The following KANK1 variants were observed in gnomAD, a reference collection of about 807,000 sequenced individuals.
KANK1 encodes KN motif and ankyrin repeat domain-containing protein 1.
A neutral mutation model predicts 106.2 loss-of-function variants in KANK1; 109 were observed. The ratio of observed to expected loss-of-function variants is 1.03; its 90% CI spans 0.88 to 1.20. KANK1 has a LOEUF of 1.20. Among genes scored for constraint, KANK1 ranks in the 50% most tolerant of loss-of-function variants. The pLI, the probability that KANK1 is intolerant of heterozygous loss-of-function variation, is 0.00. For missense variants in KANK1, 2,399 were observed against 1,710.7 expected, an observed-to-expected ratio of 1.40 and a Z score of -7.10; for synonymous variants, 873 against 652.2, an observed-to-expected ratio of 1.34 and a Z score of -5.16.
At position 593,790 on chromosome 9, in the gene KANK1, A is replaced by G. The variant is rs74996379; in HGVS notation, c.-83-83100A>G. Among the ~76,000 whole-genome samples, 19 of 152,014 alleles carry G rather than the reference A, an allele frequency of 1.2e-4. No individual in the cohort carries two copies. In the East Asian group the frequency reaches 2.9e-3, roughly 23 times the overall value. On this transcript the variant is annotated intron_variant, in intron 1 of 11. Coordinates refer to ENST00000382297, the MANE Select transcript of KANK1 (RefSeq NM_015158.5). ...AGTGAATTCTTCCAAATTTATGAAA[A>G]TGAACACTTAGCTAAAATGTGTTCA...
chr9:587,164 T>G (rs886814946), intron 1 of KANK1, among the ~76,000 whole-genome samples: 3 of 152,366 alleles, frequency 2.0e-5, no homozygotes, highest in South Asian at 4.1e-4. Flanking sequence ...TTTTTCTTTA[T>G]AACTATCATG....
chr9:521,670 G>A (rs531179702), intron 1 of KANK1, among the ~76,000 whole-genome samples: 7 of 149,786 alleles, frequency 4.7e-5, no homozygotes, highest in Admixed American at 2.0e-4. Context: ...GGGTTCAAGC[G>A]ATTCTCCTGC....
At chr9:583,574 A>G (rs763536474) in intron 1 of KANK1, among the ~76,000 whole-genome samples, 3 of 152,010 alleles carry the variant, frequency 2.0e-5, no homozygotes, top group South Asian at 2.1e-4. Context: ...TTATATAAAG[A>G]TCCTTTATGG....
upstream of KANK1, among the ~76,000 whole-genome samples, chr9:501,079 GA>G (rs61238885): frequency 9.0e-5 from 13 of 144,708 alleles, no homozygotes; most frequent in Admixed American, 2.8e-4. Context: ...TGAGAAAAAA[GA>G]AAAAAAAAAC....
upstream of KANK1, among the ~76,000 whole-genome samples, chr9:503,821 G>A (rs369335397): frequency 1.1e-4 from 16 of 152,166 alleles, no homozygotes; most frequent in African/African-American, 3.6e-4. Context: ...TGGACCTACT[G>A]GATTGCTCCA....
At chr9:657,599 A>G (rs1842432948) in intron 1 of KANK1, among the ~76,000 whole-genome samples, 1 of 151,846 alleles carries the variant, frequency 6.6e-6, no homozygotes, top group Non-Finnish European at 1.5e-5. Flanking sequence ...CCTAATGAGT[A>G]TGAGGTGATA....
intron 1 of KANK1, among the ~76,000 whole-genome samples, chr9:621,490 A>G (rs1833133649): frequency 6.6e-6 from 1 of 152,188 alleles, no homozygotes; most frequent in South Asian, 2.1e-4. Context: ...TTACTGCGGG[A>G]AAAAACCACA....
At chr9:619,818 T>C (rs922794063) in intron 1 of KANK1, among the ~76,000 whole-genome samples, 16 of 152,272 alleles carry the variant, frequency 1.1e-4, no homozygotes, top group Middle Eastern at 3.4e-3. Context: ...AGATTGTTTT[T>C]CCAAGCAGAG....
intron 1 of KANK1, among the ~76,000 whole-genome samples, chr9:663,527 G>C (rs1348320881): frequency 6.6e-6 from 1 of 152,184 alleles, no homozygotes; most frequent in Non-Finnish European, 1.5e-5. Context: ...AACTGAAAAA[G>C]AGAAAGTTTA....
At chr9:523,585 C>G (rs2133281886) in intron 1 of KANK1, among the ~76,000 whole-genome samples, 1 of 151,836 alleles carries the variant, frequency 6.6e-6, no homozygotes, top group African/African-American at 2.4e-5. Flanking sequence ...CTTGCCCGGT[C>G]CCTTGTTATT....
intron 1 of KANK1, among the ~76,000 whole-genome samples, chr9:591,902 A>C (rs1489888738): frequency 6.6e-6 from 1 of 151,556 alleles, no homozygotes; most frequent in Admixed American, 6.6e-5. Context: ...CAGGTGATCC[A>C]CCCACCTCAG....
chr9:607,275 C>G (rs554012471), intron 1 of KANK1, among the ~76,000 whole-genome samples: 1 of 151,708 alleles, frequency 6.6e-6, no homozygotes, highest in African/African-American at 2.4e-5. Flanking sequence ...CACTTGAGGT[C>G]AGAAGTTCAA....
intron 3 of KANK1, among the ~76,000 whole-genome samples, chr9:481,750 G>A (rs1314426772): frequency 6.6e-6 from 1 of 151,896 alleles, no homozygotes; most frequent in Non-Finnish European, 1.5e-5. Context: ...ATCTCTACTC[G>A]GGAGCATCGT....
chr9:652,789 G>A (rs942364710), intron 1 of KANK1, among the ~76,000 whole-genome samples: 4 of 152,162 alleles, frequency 2.6e-5, no homozygotes, highest in African/African-American at 9.7e-5. Flanking sequence ...GTAGAATTAC[G>A]GCTGATTTTT....
At chr9:522,441 G>C (rs945201407) in intron 1 of KANK1, among the ~76,000 whole-genome samples, 4 of 151,536 alleles carry the variant, frequency 2.6e-5, no homozygotes, top group Non-Finnish European at 5.9e-5. Context: ...TCTCTTTCAT[G>C]GTTTTCACAA....
chr9:645,001 G>A (rs1200976759), intron 1 of KANK1, among the ~76,000 whole-genome samples: 1 of 149,992 alleles, frequency 6.7e-6, no homozygotes, highest in Admixed American at 6.6e-5. Flanking sequence ...GTGTGCACCT[G>A]TAGTCCCAGC....
intron 1 of KANK1, among the ~76,000 whole-genome samples, chr9:624,766 C>T (rs574612566): frequency 2.5e-4 from 38 of 152,088 alleles, no homozygotes; most frequent in Admixed American, 7.2e-4. Flanking sequence ...GCCACTGTAC[C>T]CCAGCCTGGG....
rs200296016 is a variant in KANK1, at chr9:745,178, C to T, written c.4002C>T (p.Thr1334=). Residue 1334 remains threonine, a synonymous_variant, in exon 12 of 12, where the codon ACC becomes ACT. Coordinates refer to ENST00000382297, the MANE Select transcript of KANK1 (RefSeq NM_015158.5). Reference sequence around the variant, plus strand: ...TTTCCTTTCCTGGTCTCTAGGGCACCCCTAGGCTTGGAAGGAAGACGTCTC... The same window carrying T: ...TTTCCTTTCCTGGTCTCTAGGGCACTCCTAGGCTTGGAAGGAAGACGTCTC... ...VNFAKAQSPG[T]PRLGRKTSPG... The T allele has an allele frequency of 2.5e-6, 4 of 1,614,034 alleles. No individual in the cohort carries two copies. Among genetic ancestry groups the T allele is most frequent in the Non-Finnish European group, 2.5e-6 (3 of 1,179,982 alleles).
intron 1 of KANK1, among the ~76,000 whole-genome samples, chr9:624,808 A>G (rs1833963183): frequency 6.6e-6 from 1 of 152,118 alleles, no homozygotes. Context: ...CAAAAAACAA[A>G]CAAAAACAAT....
Sources: gnomAD v4.1 joint callset for allele counts (sites outside exome capture counted in the v4.1 genomes callset) on GRCh38, gnomAD v4.1.1 for gene constraint, MANE v1.5 for transcripts, NCBI Gene and HGNC (gene_info 2026-07-23, HGNC 2026-07-21) for gene names.